Variants in GLT8D2 observed in about 807,000 individuals in gnomAD.
GLT8D2 encodes the protein glycosyltransferase 8 domain containing 2, also known as glycosyltransferase 8 domain-containing protein 2.
GLT8D2 carries 45 observed loss-of-function variants against 44.5 expected under a neutral mutation model. That is an observed-to-expected ratio of 1.01 (90% CI 0.80 to 1.30). The LOEUF is 1.30. Among genes scored for constraint, GLT8D2 ranks in the 50% most tolerant of loss-of-function variants. The pLI is 0.00. For missense variants in GLT8D2, 400 were observed against 430.4 expected (o/e 0.93, Z 0.62); for synonymous variants, 156 against 157.2 (o/e 0.99, Z 0.06).
At chr12:104,014,299 G>A in intron 4 of GLT8D2, 2 of 700,786 alleles carry the variant, frequency 2.9e-6, no homozygotes, top group Non-Finnish European at 5.2e-6. Context: ...AGGCTGCAGG[G>A]AGCTGCTATT....
At position 104,022,154 on chromosome 12, in the gene GLT8D2, C is replaced by T. The variant is rs1480798398; in HGVS notation, c.-163-663G>A. Among the ~76,000 whole-genome samples, 7 of 151,846 alleles carry T rather than the reference C, an allele frequency of 4.6e-5. No homozygotes were observed. In the South Asian group the frequency reaches 6.3e-4, roughly 14 times the overall value. On this transcript the variant is annotated intron_variant, in intron 1 of 10. Transcript: ENST00000360814. ...CTTTCAGAAGAGCTGCCATATTTGT[C>T]GTGTGTCTTTTTGTAGCCCCAAGTC...
intron 3 of GLT8D2, among the ~76,000 whole-genome samples, chr12:104,018,237 G>A (rs1182884267): frequency 6.6e-6 from 1 of 152,116 alleles, no homozygotes; most frequent in Non-Finnish European, 1.5e-5. Context: ...CTCCCAAAGT[G>A]CTGGGAATAC....
intron 1 of GLT8D2, among the ~76,000 whole-genome samples, chr12:104,059,580 A>T (rs1439988246): frequency 1.3e-5 from 2 of 152,172 alleles, no homozygotes; most frequent in Non-Finnish European, 2.9e-5. Context: ...AAGTTGAGGG[A>T]AGCTTGGGAA....
intron 4 of GLT8D2, among the ~76,000 whole-genome samples, chr12:104,005,391 T>C (rs1354641928): frequency 3.9e-5 from 6 of 152,146 alleles, no homozygotes; most frequent in African/African-American, 4.8e-5. Context: ...TGGGATCTAA[T>C]TAAACTAAAG....
chr12:103,998,955 T>C (rs557199914), intron 6 of GLT8D2, among the ~76,000 whole-genome samples: 5 of 152,276 alleles, frequency 3.3e-5, no homozygotes, highest in Admixed American at 3.3e-4. Context: ...CCTGAATATA[T>C]TATCTTAGTC....
intron 1 of GLT8D2, among the ~76,000 whole-genome samples, chr12:104,061,227 A>G (rs1331553540): frequency 6.6e-6 from 1 of 152,224 alleles, no homozygotes; most frequent in Non-Finnish European, 1.5e-5. Flanking sequence ...GCAGCTCCCT[A>G]TCTAAGCCAC....
At chr12:104,007,258 CTCTCTCT>C (rs1593537267) in intron 4 of GLT8D2, among the ~76,000 whole-genome samples, 2 of 149,030 alleles carry the variant, frequency 1.3e-5, no homozygotes, top group African/African-American at 2.5e-5. Context: ...CTCTCTCTCT[CTCTCTCT>C]CCCCCCGCTC....
chr12:104,026,709 C>T (rs1022677856), intron 1 of GLT8D2, among the ~76,000 whole-genome samples: 6 of 152,170 alleles, frequency 3.9e-5, no homozygotes, highest in African/African-American at 9.7e-5. Flanking sequence ...TTTTTATGGT[C>T]ATTCACTTGT....
At chr12:104,051,680 T>C (rs1183747134), upstream of GLT8D2, among the ~76,000 whole-genome samples, 4 of 152,114 alleles carry the variant, frequency 2.6e-5, no homozygotes, top group African/African-American at 9.7e-5. Context: ...ATTCCTCCTA[T>C]CTAGCTATAA....
intron 1 of GLT8D2, among the ~76,000 whole-genome samples, chr12:104,045,297 G>A (rs1245510082): frequency 6.6e-6 from 1 of 152,166 alleles, no homozygotes; most frequent in Non-Finnish European, 1.5e-5. Flanking sequence ...AAGAGCCCCA[G>A]AACTGTGCCC....
chr12:104,064,433 A>G, upstream of GLT8D2: 2 of 960,830 alleles, frequency 2.1e-6, no homozygotes, highest in Non-Finnish European at 2.8e-6. The surrounding 1 kb of genome is among the most constrained non-coding windows in gnomAD (Gnocchi z 7.3). Context: ...GCGGGCCTCC[A>G]GCCTGGCCGC....
At chr12:104,045,411 G>A (rs1186761523) in intron 1 of GLT8D2, among the ~76,000 whole-genome samples, 1 of 152,194 alleles carries the variant, frequency 6.6e-6, no homozygotes, top group African/African-American at 2.4e-5. Context: ...CTGCAGGCCT[G>A]TCTTCAGGAC....
At chr12:104,048,236 C>T (rs1881374149) in intron 1 of GLT8D2, among the ~76,000 whole-genome samples, 1 of 152,190 alleles carries the variant, frequency 6.6e-6, no homozygotes, top group Admixed American at 6.5e-5. Context: ...GAATAGCACA[C>T]CGCAGAGTGT....
chr12:104,056,808 A>G (rs2136543710), intron 1 of GLT8D2, among the ~76,000 whole-genome samples: 1 of 152,386 alleles, frequency 6.6e-6, no homozygotes, highest in East Asian at 1.9e-4. Flanking sequence ...ACCACAGCAC[A>G]TCACTTCATT....
chr12:104,032,601 C>A (rs1879429489), intron 1 of GLT8D2, among the ~76,000 whole-genome samples: 1 of 151,756 alleles, frequency 6.6e-6, no homozygotes, highest in African/African-American at 2.4e-5. Flanking sequence ...CAAATCCAAA[C>A]CACAATAGGA....
chr12:104,018,224 G>T (rs556585421), intron 3 of GLT8D2, among the ~76,000 whole-genome samples: 1 of 151,930 alleles, frequency 6.6e-6, no homozygotes, highest in Non-Finnish European at 1.5e-5. Context: ...CACCTGCCTC[G>T]GCCTCCCAAA....
At position 104,050,078 on chromosome 12, in the gene GLT8D2, T is replaced by C. The variant is rs1355814477; in HGVS notation, c.-347A>G. ...CCAATATTACGTTTCCAAAAGAATA[T>C]TCCTCCCCGACCCGCACTCCCCTTT... On this transcript the variant is annotated 5_prime_UTR_variant, in exon 1 of 11. Transcript: ENST00000360814. 1.3e-5 allele frequency: 2 copies of C among 152,236 alleles called. No homozygotes were observed. The highest frequency in any genetic ancestry group is 4.8e-5 in the African/African-American group (2 of 41,438). The allele number at this position is 152,236 out of a possible 1,614,324, so 9.4% of individuals were successfully genotyped here.
chr12:104,000,447 A>G (rs1026657197), intron 5 of GLT8D2, among the ~76,000 whole-genome samples: 10 of 152,220 alleles, frequency 6.6e-5, no homozygotes, highest in African/African-American at 1.9e-4. Context: ...AACATGCTGG[A>G]TGTTACATGA....
At chr12:104,046,442 G>A (rs1343886813) in intron 1 of GLT8D2, among the ~76,000 whole-genome samples, 1 of 152,162 alleles carries the variant, frequency 6.6e-6, no homozygotes. Context: ...CTAATAAGTG[G>A]CAGAGCTAAT....
Sources: gnomAD v4.1 joint callset for allele counts (sites outside exome capture counted in the v4.1 genomes callset) on GRCh38, gnomAD v4.1.1 for gene constraint, Gnocchi (gnomAD v3.1) non-coding constraint, MANE v1.5 for transcripts, NCBI Gene and HGNC (gene_info 2026-07-23, HGNC 2026-07-21) for gene names.